The following IL1RAPL1 variants were observed in gnomAD, a reference collection of about 807,000 sequenced individuals.
IL1RAPL1 encodes the protein interleukin 1 receptor accessory protein like 1, also known as interleukin-1 receptor accessory protein-like 1.
In IL1RAPL1, 3 loss-of-function variants were observed where a neutral mutation model predicts 48.4. That is an observed-to-expected ratio of 0.06 (90% CI 0.03 to 0.16). The LOEUF (loss-of-function observed/expected upper bound fraction) is 0.16, where lower values mean the gene tolerates loss of function less well. Among genes scored for constraint, IL1RAPL1 ranks in the 10% least tolerant of loss-of-function variants. IL1RAPL1 has a pLI of 1.00. For missense variants in IL1RAPL1, 349 were observed against 530.6 expected, an observed-to-expected ratio of 0.66 and a Z score of 3.36; for synonymous variants, 185 against 187.7, an observed-to-expected ratio of 0.99 and a Z score of 0.12.
intron 5 of IL1RAPL1, among the ~76,000 whole-genome samples, chrX:29,415,847 C>T (rs910549387): frequency 8.9e-6 from 1 of 112,377 alleles, no homozygotes; most frequent in African/African-American, 3.2e-5. Context: ...TCCCATTAGA[C>T]TTAATGATGT....
Position 29,490,215 on chromosome X carries a change from T to A in IL1RAPL1, c.703+90907T>A, listed in dbSNP as rs745881756. Among the ~76,000 whole-genome samples, 469 of 109,236 alleles carry A rather than the reference T, an allele frequency of 4.3e-3. 5 individuals carry two copies. The highest frequency in any genetic ancestry group is 0.026 in the Admixed American group (266 of 10,170). 94.9% of individuals were successfully genotyped at this position (109,236 alleles called of 115,157 possible). ...AATATATTAAAATAAAATTAAAATT[T>A]AAAAAAAAAGCCATAAAAAGGTAAT... On this transcript the variant is annotated intron_variant, in intron 5 of 10. Transcript: ENST00000378993.
At chrX:29,405,360 C>CTTTCTTTTTTTTTTTTTT (rs1377087452) in intron 5 of IL1RAPL1, among the ~76,000 whole-genome samples, 1 of 99,460 alleles carries the variant, frequency 1.0e-5, no homozygotes, top group African/African-American at 4.5e-5. Flanking sequence ...TCTCTGTGTT[C>CTTTCTTTTTTTTTTTTTT]TTTATTTATT....
intron 5 of IL1RAPL1, among the ~76,000 whole-genome samples, chrX:29,614,051 C>A (rs906297949): frequency 9.0e-6 from 1 of 110,603 alleles, no homozygotes. Context: ...CGTGAGCCAC[C>A]GTGCCTGGCA....
intron 8 of IL1RAPL1, among the ~76,000 whole-genome samples, chrX:29,939,070 C>A (rs1601892338): frequency 8.9e-6 from 1 of 111,948 alleles, no homozygotes; most frequent in East Asian, 2.8e-4. Flanking sequence ...TTGCAGATAT[C>A]TGCTTATATT....
chrX:28,939,737 C>G (rs1234102512), intron 2 of IL1RAPL1, among the ~76,000 whole-genome samples: 1 of 111,367 alleles, frequency 9.0e-6, no homozygotes, highest in African/African-American at 3.2e-5. Flanking sequence ...TTTTATATCT[C>G]TGAAATCAAG....
intron 3 of IL1RAPL1, among the ~76,000 whole-genome samples, chrX:29,294,706 T>A: frequency 9.0e-6 from 1 of 110,815 alleles, no homozygotes; most frequent in African/African-American, 3.3e-5. Flanking sequence ...ATTTGGGCTG[T>A]GGGTCACAGT....
At chrX:29,082,293 C>T (rs1181145469) in intron 2 of IL1RAPL1, among the ~76,000 whole-genome samples, 1 of 111,666 alleles carries the variant, frequency 9.0e-6, no homozygotes, top group Non-Finnish European at 1.9e-5. Context: ...TGACTTTTAC[C>T]ACAATATTGT....
chrX:29,641,142 G>A (rs1925154102), intron 5 of IL1RAPL1, among the ~76,000 whole-genome samples: 1 of 111,527 alleles, frequency 9.0e-6, no homozygotes, highest in African/African-American at 3.3e-5. Context: ...CTGCGCTCCA[G>A]CCTGGGCAAC....
In IL1RAPL1 at chrX:28,884,610, A is replaced by G. The variant is rs190246085; in HGVS notation, c.82+95185A>G. Among the ~76,000 whole-genome samples the G allele has an allele frequency of 2.2e-4, 25 of 111,836 alleles. No homozygotes were observed. In the East Asian group the frequency reaches 5.3e-3, roughly 24 times the overall value. On this transcript the variant is annotated intron_variant, in intron 2 of 10. Transcript: ENST00000378993. ...AATATCACAGAATCCCAGAGTATCT[A>G]TATTCGAAAATATATTTGAAATTAT...
At chrX:28,713,923 G>A (rs147317648) in intron 1 of IL1RAPL1, among the ~76,000 whole-genome samples, 239 of 111,798 alleles carry the variant, frequency 2.1e-3, no homozygotes, top group African/African-American at 7.5e-3. Context: ...AAGAAGCTGA[G>A]TAACATACAC....
intron 2 of IL1RAPL1, among the ~76,000 whole-genome samples, chrX:29,119,677 G>T (rs1221219050): frequency 9.0e-6 from 1 of 111,114 alleles, no homozygotes; most frequent in African/African-American, 3.3e-5. Context: ...GACCAAGTCT[G>T]AGAGTTAAAA....
intron 6 of IL1RAPL1, among the ~76,000 whole-genome samples, chrX:29,697,982 T>G (rs1455290088): frequency 9.0e-6 from 1 of 110,970 alleles, no homozygotes; most frequent in East Asian, 2.8e-4. Context: ...TCCATTGTAC[T>G]TGGAATAAAA....
chrX:29,168,208 TTCTA>T (rs778827944), intron 2 of IL1RAPL1, among the ~76,000 whole-genome samples: 73 of 109,311 alleles, frequency 6.7e-4, no homozygotes, highest in Non-Finnish European at 9.9e-4. Context: ...AAATCTTCAC[TTCTA>T]TCTGTCTTGA....
At chrX:29,447,610 A>C (rs1934627631) in intron 5 of IL1RAPL1, among the ~76,000 whole-genome samples, 1 of 112,166 alleles carries the variant, frequency 8.9e-6, no homozygotes. Flanking sequence ...ATTCAACATA[A>C]GGCAGGTGTC....
intron 1 of IL1RAPL1, among the ~76,000 whole-genome samples, chrX:28,644,986 C>G (rs1183610972): frequency 9.0e-6 from 1 of 110,779 alleles, no homozygotes; most frequent in East Asian, 2.8e-4. Context: ...CTATTATGAG[C>G]TAAGAAGAAC....
chrX:28,935,754 G>T (rs893501398), intron 2 of IL1RAPL1, among the ~76,000 whole-genome samples: 1 of 111,808 alleles, frequency 8.9e-6, no homozygotes, highest in Admixed American at 9.5e-5. Context: ...CATATTGACT[G>T]TTGAACGTAT....
chrX:29,782,923 G>T (rs1465775556), intron 6 of IL1RAPL1, among the ~76,000 whole-genome samples: 3 of 10,568 alleles, frequency 2.8e-4, no homozygotes, highest in Non-Finnish European at 2.4e-4. Context: ...TTTTTTTTTT[G>T]AGACGGAGTC....
intron 2 of IL1RAPL1, among the ~76,000 whole-genome samples, chrX:29,152,565 A>G (rs1929488135): frequency 8.9e-6 from 1 of 112,054 alleles, no homozygotes. Flanking sequence ...CCACTAGCAC[A>G]GTGTTCTAAA....
At chrX:29,449,780 C>CACACAGAGAGAG (rs557765024) in intron 5 of IL1RAPL1, among the ~76,000 whole-genome samples, 2,233 of 58,005 alleles carry the variant, frequency 0.038, 59 homozygotes, top group African/African-American at 0.048. Flanking sequence ...CACACACACA[C>CACACAGAGAGAG]AGAGAGAGAG....
Sources: gnomAD v4.1 joint callset for allele counts (sites outside exome capture counted in the v4.1 genomes callset) on GRCh38, gnomAD v4.1.1 for gene constraint, MANE v1.5 for transcripts, NCBI Gene and HGNC (gene_info 2026-07-23, HGNC 2026-07-21) for gene names.